Variants in PDGFA observed in about 807,000 individuals in gnomAD.
The protein encoded by PDGFA is platelet-derived growth factor subunit A.
In PDGFA, 9 loss-of-function variants were observed where a neutral mutation model predicts 25.6. The observed-to-expected ratio is 0.35, with a 90% confidence interval of 0.21 to 0.61. PDGFA has a LOEUF of 0.61. PDGFA is among the 20% of genes least tolerant of loss of function. The pLI is 0.75. For missense variants in PDGFA, 242 were observed against 272.8 expected (o/e 0.89, Z 0.79); for synonymous variants, 133 against 111.8 (o/e 1.19, Z -1.20).
chr7:508,492 C>T (rs898396770), intron 4 of PDGFA, among the ~76,000 whole-genome samples: 2 of 143,276 alleles, frequency 1.4e-5, no homozygotes, highest in African/African-American at 5.2e-5. Context: ...CCTGGGAGTC[C>T]GAGGCTGCAG....
At chr7:510,588 TGGGGAGGGGA>T (rs1241430356) in intron 4 of PDGFA, among the ~76,000 whole-genome samples, 25 of 2,232 alleles carry the variant, frequency 0.011, no homozygotes, top group Non-Finnish European at 0.018. Flanking sequence ...TGGGCTCGGG[TGGGGAGGGGA>T]GGGGAGGGGA....
At chr7:498,893 T>G (rs558873251) in intron 5 of PDGFA, among the ~76,000 whole-genome samples, 1 of 152,174 alleles carries the variant, frequency 6.6e-6, no homozygotes, top group Admixed American at 6.5e-5. Flanking sequence ...CTTCCTTTCT[T>G]CCAGCCTAGG....
intron 3 of PDGFA, among the ~76,000 whole-genome samples, 153 bp from the exon 4 acceptor site, chr7:511,149 A>G (rs1390120812): frequency 2.6e-5 from 4 of 151,222 alleles, no homozygotes; most frequent in Non-Finnish European, 5.9e-5. Context: ...CTGGGAGCAG[A>G]GGCTTAGGGG....
At chr7:518,772 A>C (rs1783224676) in intron 1 of PDGFA, among the ~76,000 whole-genome samples, 167 bp downstream of exon 1, 1 of 152,206 alleles carries the variant, frequency 6.6e-6, no homozygotes, top group Admixed American at 6.5e-5. Context: ...GAAACTCCCC[A>C]CACACACTTA....
intron 5 of PDGFA, among the ~76,000 whole-genome samples, chr7:499,458 G>A (rs554714298): frequency 4.6e-5 from 7 of 152,322 alleles, no homozygotes; most frequent in Admixed American, 2.0e-4. Context: ...GGAGTCCCAC[G>A]TGCCAGGAGG....
intron 4 of PDGFA, among the ~76,000 whole-genome samples, chr7:501,923 T>A (rs1187656492): frequency 6.6e-6 from 1 of 152,168 alleles, no homozygotes; most frequent in African/African-American, 2.4e-5. Flanking sequence ...ACGTTGTTTT[T>A]AAATACATTT....
At chr7:506,414 G>A (rs966774503) in intron 4 of PDGFA, among the ~76,000 whole-genome samples, 10 of 151,958 alleles carry the variant, frequency 6.6e-5, no homozygotes, top group African/African-American at 1.9e-4. Context: ...CCTCCACTCC[G>A]CCCACCTAGA....
At chr7:518,310 A>C (rs1783200832) in intron 1 of PDGFA, 1 of 143,124 alleles carries the variant, frequency 7.0e-6, no homozygotes, top group African/African-American at 2.5e-5. Context: ...GTCATTCATC[A>C]CAGCAAAGCT....
At chr7:504,672 C>T (rs1034447286) in intron 4 of PDGFA, among the ~76,000 whole-genome samples, 6 of 152,350 alleles carry the variant, frequency 3.9e-5, no homozygotes, top group African/African-American at 1.4e-4. Context: ...AATCTGGGTT[C>T]GTGGGGATGG....
At chr7:520,073 G>A, upstream of PDGFA, 1 of 396,840 alleles carries the variant, frequency 2.5e-6, no homozygotes, top group Non-Finnish European at 5.0e-6. Flanking sequence ...CCCGCGCCCG[G>A]CTCCGCGCCG....
intron 2 of PDGFA, among the ~76,000 whole-genome samples, chr7:516,937 G>A (rs867216799): frequency 2.4e-4 from 36 of 151,950 alleles, no homozygotes; most frequent in Admixed American, 1.1e-3. Flanking sequence ...GAGGGGGCCG[G>A]GCCCTGACCC....
intron 4 of PDGFA, among the ~76,000 whole-genome samples, chr7:507,292 T>A (rs1782604049): frequency 6.6e-6 from 1 of 152,226 alleles, no homozygotes; most frequent in South Asian, 2.1e-4. Flanking sequence ...CGCCAGGCTC[T>A]GCTGCAGGAC....
intron 2 of PDGFA, chr7:512,962 C>T (rs1189370558): frequency 8.8e-6 from 2 of 226,764 alleles, no homozygotes; most frequent in South Asian, 7.1e-5. Flanking sequence ...CTCCCTCCCC[C>T]TCACTAAAGC....
At position 500,149 on chromosome 7, in the gene PDGFA, G is replaced by A. The variant is rs1782261837; in HGVS notation, c.580+967C>T. On this transcript the variant is annotated intron_variant, in intron 5 of 5. Transcript: ENST00000402802. The surrounding 1 kb of genome is among the most constrained non-coding windows in gnomAD (Gnocchi z 5.0). ...CACCGCTGCTCAGGTCGCCCAACCT[G>A]TTCCATTCATGTGCAATGCTCCTGC... Among the ~76,000 whole-genome samples the A allele has an allele frequency of 6.6e-6, 1 of 152,192 alleles. No individual in the cohort carries two copies. The highest frequency in any genetic ancestry group is 2.1e-4 in the South Asian group (1 of 4,832).
intron 4 of PDGFA, among the ~76,000 whole-genome samples, chr7:504,944 C>A (rs1364901053): frequency 1.3e-5 from 2 of 152,210 alleles, no homozygotes; most frequent in Non-Finnish European, 2.9e-5. Flanking sequence ...GGGCACCGTG[C>A]GAAAGGCACA....
rs1443983277 is a variant in PDGFA at position 500,537 on chromosome 7, G to T, written c.580+579C>A. 1 of 1,613,544 alleles carries T rather than the reference G, an allele frequency of 6.2e-7. No individual in the cohort carries two copies. Among genetic ancestry groups the T allele is most frequent in the South Asian group, 1.1e-5 (1 of 91,054 alleles). On this transcript the variant is annotated intron_variant, in intron 5 of 5. Coordinates refer to ENST00000402802, the Ensembl canonical transcript of PDGFA. This position sits in a 1 kb window ranked among gnomAD's most constrained non-coding sequence, Gnocchi z 5.0. Reference sequence around the variant, plus strand: ...GGGCAGGGCGGTGAGTGGGCCGAGGGACGGCCGTCGGGGTGAAGAACTGAA... The same window carrying T: ...GGGCAGGGCGGTGAGTGGGCCGAGGTACGGCCGTCGGGGTGAAGAACTGAA...
chr7:503,590 C>A (rs1782445070), intron 4 of PDGFA, among the ~76,000 whole-genome samples: 1 of 152,280 alleles, frequency 6.6e-6, no homozygotes, highest in East Asian at 1.9e-4. Flanking sequence ...ACTCTGGAGA[C>A]TGGGCATCAG....
upstream of PDGFA, among the ~76,000 whole-genome samples, chr7:519,713 C>G (rs1375991483): frequency 6.9e-6 from 1 of 145,366 alleles, no homozygotes. Flanking sequence ...CTCGCTGCGC[C>G]GCCCGCGCGG....
intron 4 of PDGFA, among the ~76,000 whole-genome samples, chr7:507,234 A>T (rs1170093091): frequency 6.6e-6 from 1 of 152,236 alleles, no homozygotes; most frequent in East Asian, 1.9e-4. Flanking sequence ...CGCCTCCCAG[A>T]AGCGGGAACA....
Sources: allele counts gnomAD v4.1 joint callset (sites outside exome capture counted in the v4.1 genomes callset), GRCh38; gene constraint gnomAD v4.1.1; non-coding constraint Gnocchi (gnomAD v3.1); transcripts MANE v1.5; gene names NCBI Gene and HGNC (gene_info 2026-07-23, HGNC 2026-07-21).